The following DGKI variants were observed in gnomAD, a reference collection of about 807,000 sequenced individuals.
The protein encoded by DGKI is DAG kinase iota.
A neutral mutation model predicts 147.5 loss-of-function variants in DGKI; 55 were observed. The ratio of observed to expected loss-of-function variants is 0.37; its 90% confidence interval spans 0.30 to 0.47. The LOEUF (loss-of-function observed/expected upper bound fraction) is 0.47, where lower values mean the gene tolerates loss of function less well. Among genes scored for constraint, DGKI ranks in the 20% least tolerant of loss-of-function variants. The pLI is 1.00. For synonymous variants in DGKI, 469 were observed against 477.1 expected (o/e 0.98, Z 0.22); for missense variants, 1,007 against 1,323.8 (o/e 0.76, Z 3.71).
chr7:137,678,214 C>T (rs939264960), intron 3 of DGKI, among the ~76,000 whole-genome samples: 3 of 152,080 alleles, frequency 2.0e-5, no homozygotes, highest in Non-Finnish European at 2.9e-5. Context: ...ACACACAGGC[C>T]TTGGCCCCAC....
At chr7:137,500,628 A>AT (rs1174298650) in intron 21 of DGKI, among the ~76,000 whole-genome samples, 1 of 152,158 alleles carries the variant, frequency 6.6e-6, no homozygotes, top group East Asian at 1.9e-4. Context: ...CAGATAATAA[A>AT]TCAAGCTCAG....
chr7:137,510,142 C>T (rs545891002), intron 21 of DGKI, among the ~76,000 whole-genome samples: 4 of 152,310 alleles, frequency 2.6e-5, no homozygotes, highest in Admixed American at 2.0e-4. Context: ...TCTTCTAATA[C>T]ATAGTAGGAA....
At chr7:137,406,471 A>G (rs1811951542) in intron 30 of DGKI, among the ~76,000 whole-genome samples, 1 of 152,164 alleles carries the variant, frequency 6.6e-6, no homozygotes, top group Non-Finnish European at 1.5e-5. Context: ...CTGTCATCGC[A>G]GCCCTCCTGT....
intron 1 of DGKI, among the ~76,000 whole-genome samples, chr7:137,691,887 G>A (rs1823627999): frequency 1.4e-5 from 2 of 145,808 alleles, no homozygotes; most frequent in Non-Finnish European, 3.0e-5. Context: ...AGTTAGAAGC[G>A]ATCACATCGA....
intron 28 of DGKI, among the ~76,000 whole-genome samples, chr7:137,443,765 T>C (rs1212475740): frequency 6.6e-6 from 1 of 152,094 alleles, no homozygotes; most frequent in African/African-American, 2.4e-5. Flanking sequence ...ATCTGAGTCA[T>C]AAAAAGCACA....
At position 137,381,272 on chromosome 7, in the gene DGKI, T is replaced by C. The variant is rs1488378462; in HGVS notation, c.*9948A>G. ...GACTTTGTTACAAAAAACTTCATTCTTCCCTTTCCCATCCCACCCCCCCCC... is the reference window on the plus strand; with the variant it reads ...GACTTTGTTACAAAAAACTTCATTCCTCCCTTTCCCATCCCACCCCCCCCC... On this transcript the variant is annotated 3_prime_UTR_variant, in exon 33 of 33. Transcript: ENST00000614521. 2.0e-5 allele frequency: 1 copy of C among 48,836 alleles called. No homozygotes were observed. Among genetic ancestry groups the C allele is most frequent in the African/African-American group, 7.9e-5 (1 of 12,644 alleles). The allele number at this position is 48,836 out of a possible 1,614,324, so 3.0% of individuals were successfully genotyped here.
chr7:137,542,261 C>T (rs1817729217), intron 20 of DGKI, among the ~76,000 whole-genome samples: 1 of 152,110 alleles, frequency 6.6e-6, no homozygotes, highest in Non-Finnish European at 1.5e-5. Context: ...AATCCCATTC[C>T]TACATGTTTA....
At chr7:137,497,277 A>C (rs1266110826) in intron 21 of DGKI, among the ~76,000 whole-genome samples, 1 of 152,216 alleles carries the variant, frequency 6.6e-6, no homozygotes, top group Admixed American at 6.5e-5. Flanking sequence ...CTATTATTAA[A>C]AAGTCAAAAC....
intron 1 of DGKI, among the ~76,000 whole-genome samples, chr7:137,773,308 G>A (rs915201575): frequency 1.3e-5 from 2 of 152,160 alleles, no homozygotes; most frequent in African/African-American, 4.8e-5. Context: ...TGACACTTTG[G>A]GAAAACCCTC....
intron 8 of DGKI, among the ~76,000 whole-genome samples, chr7:137,616,462 C>A (rs1386421460): frequency 2.0e-5 from 3 of 152,060 alleles, no homozygotes. Flanking sequence ...AATCCCATAT[C>A]CCATTAAAAG....
At chr7:137,697,405 C>T (rs1355205542) in intron 1 of DGKI, among the ~76,000 whole-genome samples, 2 of 152,112 alleles carry the variant, frequency 1.3e-5, no homozygotes, top group Non-Finnish European at 2.9e-5. Flanking sequence ...TTTTATTTAA[C>T]TCACTAGTAA....
chr7:137,577,403 C>T (rs1018570155), intron 16 of DGKI, 119 bp from the exon 17 acceptor site: 4 of 720,270 alleles, frequency 5.6e-6, no homozygotes, highest in Non-Finnish European at 9.3e-6. Context: ...AACATGTTCT[C>T]TTTCTGCAGA....
intron 20 of DGKI, 131 bp from the exon 21 acceptor site, chr7:137,522,097 G>T: frequency 1.6e-6 from 1 of 628,100 alleles, no homozygotes; most frequent in East Asian, 3.1e-5. Context: ...CCAGAAAGGT[G>T]GGTTCCTTAT....
chr7:137,816,577 T>C (rs908824131), intron 1 of DGKI, among the ~76,000 whole-genome samples: 2 of 152,208 alleles, frequency 1.3e-5, no homozygotes, highest in African/African-American at 4.8e-5. Flanking sequence ...TTCTAAGCTC[T>C]AGAGATACAG....
chr7:137,432,222 T>A (rs1813106521), intron 28 of DGKI, among the ~76,000 whole-genome samples: 1 of 152,208 alleles, frequency 6.6e-6, no homozygotes, highest in African/African-American at 2.4e-5. Context: ...CTTTACAAAT[T>A]ACCCAGTCTC....
rs1811266116 is a variant in DGKI, at chr7:137,389,003, G to A, written c.*2217C>T. 1 of 152,116 alleles carries A rather than the reference G, an allele frequency of 6.6e-6. No homozygotes were observed. Among genetic ancestry groups the A allele is most frequent in the Admixed American group, 6.6e-5 (1 of 15,258 alleles). 9.4% of individuals were successfully genotyped at this position (152,116 alleles called of 1,614,324 possible). ...TGAGATGGTAGTTGATGAAAACAGAGTTCTTCATCCCAACAGTAACAGCTA... is the reference window on the plus strand; with the variant it reads ...TGAGATGGTAGTTGATGAAAACAGAATTCTTCATCCCAACAGTAACAGCTA... On this transcript the variant is annotated 3_prime_UTR_variant, in exon 33 of 33. Transcript: ENST00000614521.
intron 20 of DGKI, among the ~76,000 whole-genome samples, chr7:137,538,686 TC>T (rs1290285932): frequency 1.3e-5 from 2 of 152,146 alleles, no homozygotes; most frequent in Non-Finnish European, 2.9e-5. Flanking sequence ...GTTCTCTGCT[TC>T]AAAAAACAGG....
chr7:137,584,615 G>A (rs962081481), intron 14 of DGKI, among the ~76,000 whole-genome samples: 8 of 152,022 alleles, frequency 5.3e-5, no homozygotes, highest in Admixed American at 3.3e-4. Context: ...CTGGGTGATG[G>A]GATCAATCAT....
chr7:137,425,107 C>G (rs1382924922), intron 28 of DGKI, among the ~76,000 whole-genome samples: 1 of 146,746 alleles, frequency 6.8e-6, no homozygotes, highest in Non-Finnish European at 1.5e-5. Flanking sequence ...TCCCTGACCC[C>G]TGACCCCTGA....
Sources: allele counts gnomAD v4.1 joint callset (sites outside exome capture counted in the v4.1 genomes callset), GRCh38; gene constraint gnomAD v4.1.1; transcripts MANE v1.5; gene names NCBI Gene and HGNC (gene_info 2026-07-23, HGNC 2026-07-21).